Variants in PIK3AP1 observed in about 807,000 individuals in gnomAD.
The protein encoded by PIK3AP1 is phosphoinositide 3-kinase adapter protein 1.
Under a neutral mutation model 88.1 loss-of-function variants are expected in PIK3AP1, and 21 were observed. The observed-to-expected ratio is 0.24, with a 90% confidence interval of 0.17 to 0.34. The LOEUF is 0.34. Among genes scored for constraint, PIK3AP1 ranks in the 10% least tolerant of loss-of-function variants. The pLI is 1.00. For missense variants in PIK3AP1, 828 were observed against 1,035.7 expected (o/e 0.80, Z 2.75); for synonymous variants, 398 against 400.0 (o/e 1.00, Z 0.06).
At chr10:96,687,471 T>C (rs143190403) in intron 2 of PIK3AP1, among the ~76,000 whole-genome samples, 1,659 of 152,080 alleles carry the variant, frequency 0.011, 15 homozygotes, top group Non-Finnish European at 0.018. Context: ...TGATTTTGGG[T>C]TGTGTAATCA....
At position 96,648,683 on chromosome 10, in the gene PIK3AP1, C is replaced by T. The variant is rs554264220; in HGVS notation, c.1161G>A (p.Leu387=). Residue 387 remains leucine, a synonymous_variant, in exon 7 of 17, where the codon CTG becomes CTA. Coordinates refer to ENST00000339364, the MANE Select transcript of PIK3AP1 (RefSeq NM_152309.3). ...TIAEKHGFRD[L]RQFIDEYVET... The stretch of plus-strand genomic sequence containing the variant: ...CCACATACTCGTCGATGAACTGCCG[C>T]AGGTCCCTGAAGCCGTGTTTCTCAG... The T allele has an allele frequency of 2.5e-6, 4 of 1,609,018 alleles. No homozygotes were observed. Among genetic ancestry groups the T allele is most frequent in the South Asian group, 2.2e-5 (2 of 89,924 alleles).
intron 2 of PIK3AP1, among the ~76,000 whole-genome samples, chr10:96,659,246 T>C (rs1843654422): frequency 6.6e-6 from 1 of 152,228 alleles, no homozygotes; most frequent in Admixed American, 6.5e-5. Flanking sequence ...TCCCATGGAC[T>C]TGAAACATTC....
At chr10:96,604,117 A>G in intron 14 of PIK3AP1, 68 bp from the exon 15 acceptor site, 1 of 1,290,152 alleles carries the variant, frequency 7.8e-7, no homozygotes, top group Non-Finnish European at 1.1e-6. Context: ...AGAGAACTCT[A>G]GAACTTATTT....
intron 8 of PIK3AP1, among the ~76,000 whole-genome samples, chr10:96,629,537 A>AG (rs1843208646): frequency 1.3e-5 from 2 of 151,974 alleles, no homozygotes; most frequent in Admixed American, 1.3e-4. Context: ...TGCTACCCAA[A>AG]GGGGGCAAAA....
chr10:96,593,324 A>G lies in PIK3AP1; in HGVS notation c.*2253T>C, dbSNP rs1006783287. The G allele has an allele frequency of 2.0e-5, 3 of 152,218 alleles. No individual in the cohort carries two copies. Among genetic ancestry groups the G allele is most frequent in the African/African-American group, 7.2e-5 (3 of 41,456 alleles). 9.4% of individuals were successfully genotyped at this position (152,218 alleles called of 1,614,324 possible). On this transcript the variant is annotated 3_prime_UTR_variant, in exon 17 of 17. Transcript: ENST00000339364. ...CACGAGACAAGGCTTCTCATCAGCA[A>G]TTTCAATTTTATGTTTTCTACTTAT...
At chr10:96,674,501 T>C (rs1217666224) in intron 2 of PIK3AP1, among the ~76,000 whole-genome samples, 1 of 152,236 alleles carries the variant, frequency 6.6e-6, no homozygotes, top group South Asian at 2.1e-4. Flanking sequence ...ATTAGTGTTG[T>C]TTATCTGTTG....
intron 2 of PIK3AP1, among the ~76,000 whole-genome samples, chr10:96,676,682 A>T: frequency 6.8e-6 from 1 of 147,318 alleles, no homozygotes. Context: ...TGAAAGAATG[A>T]CCTTGAGTTA....
In PIK3AP1 at chr10:96,693,788, C is replaced by A. The variant is rs60307311; in HGVS notation, c.430+15779G>T. Among the ~76,000 whole-genome samples the A allele has an allele frequency of 7.4e-3, 1,126 of 152,308 alleles. 22 individuals carry two copies. The highest frequency in any genetic ancestry group is 0.049 in the East Asian group (256 of 5,192). On this transcript the variant is annotated intron_variant, in intron 2 of 16. Coordinates refer to ENST00000339364, the MANE Select transcript of PIK3AP1 (RefSeq NM_152309.3). ...CAGACACACATTTAGAATGTAAAAT[C>A]TGCAAACTGCGGGAACATATTAATA...
chr10:96,620,634 C>G (rs749683199), intron 11 of PIK3AP1, 77 bp from the exon 12 acceptor site: 1 of 1,304,736 alleles, frequency 7.7e-7, no homozygotes, highest in Admixed American at 1.9e-5. Context: ...GTTAATGAGG[C>G]TGGTCACAGG....
At chr10:96,694,149 G>A (rs1334612158) in intron 2 of PIK3AP1, among the ~76,000 whole-genome samples, 1 of 152,144 alleles carries the variant, frequency 6.6e-6, no homozygotes, top group Non-Finnish European at 1.5e-5. Context: ...TTCAAAGGGA[G>A]CATCCTTCAT....
At chr10:96,638,453 CAG>C (rs1843341485) in intron 8 of PIK3AP1, among the ~76,000 whole-genome samples, 7 of 106,650 alleles carry the variant, frequency 6.6e-5, no homozygotes, top group African/African-American at 2.7e-4. Flanking sequence ...GACACACACA[CAG>C]ACACACACAC....
chr10:96,650,947 C>A (rs534924723), intron 6 of PIK3AP1, among the ~76,000 whole-genome samples: 1 of 152,344 alleles, frequency 6.6e-6, no homozygotes, highest in South Asian at 2.1e-4. Context: ...CTCATGCTAT[C>A]CCTATGAGGA....
chr10:96,654,564 G>C (rs1247232042), intron 3 of PIK3AP1, among the ~76,000 whole-genome samples: 2 of 152,146 alleles, frequency 1.3e-5, no homozygotes, highest in Admixed American at 6.5e-5. Flanking sequence ...TTCTGCCAGG[G>C]AGCATGAGGA....
Position 96,708,632 on chromosome 10 carries a change from C to T in PIK3AP1, c.430+935G>A, listed in dbSNP as rs920898437. On this transcript the variant is annotated intron_variant, in intron 2 of 16. Transcript: ENST00000339364. ...AAGAAAGCAAAAAGAGGAAGAAAAG[C>T]TGTGATATGTGTCCATCCCAGAGCA... 2.8e-5 allele frequency among the ~76,000 whole-genome samples: 4 copies of T among 143,330 alleles called. No homozygotes were observed. In the Admixed American group the frequency reaches 2.8e-4, roughly 10 times the overall value. The allele number at this position is 143,330 out of a possible 152,430, so 94.0% of individuals were successfully genotyped here.
chr10:96,628,907 T>TATA (rs1491508693), intron 8 of PIK3AP1, among the ~76,000 whole-genome samples: 1 of 10,848 alleles, frequency 9.2e-5, no homozygotes, highest in South Asian at 3.1e-3. Context: ...TATATATATA[T>TATA]GTGTATATAT....
At chr10:96,604,685 T>C (rs1276079285) in intron 14 of PIK3AP1, among the ~76,000 whole-genome samples, 1 of 152,214 alleles carries the variant, frequency 6.6e-6, no homozygotes, top group East Asian at 1.9e-4. Context: ...AGCAAAGGTA[T>C]TCTGATTCTC....
At chr10:96,639,268 T>C (rs1843354037) in intron 8 of PIK3AP1, among the ~76,000 whole-genome samples, 1 of 152,188 alleles carries the variant, frequency 6.6e-6, no homozygotes, top group South Asian at 2.1e-4. Context: ...GAGAATTACA[T>C]CTTATTTTCT....
intron 2 of PIK3AP1, among the ~76,000 whole-genome samples, chr10:96,686,703 T>C (rs1462263963): frequency 6.6e-6 from 1 of 152,000 alleles, no homozygotes; most frequent in Non-Finnish European, 1.5e-5. Context: ...CATCCTCTGT[T>C]AAATACAGAG....
In PIK3AP1 at chr10:96,720,346, C is replaced by G; in HGVS notation, c.13+36G>C. On this transcript the variant is annotated intron_variant, in intron 1 of 16. Transcript: ENST00000339364. This position sits in a 1 kb window ranked among gnomAD's most constrained non-coding sequence, Gnocchi z 4.6. Reference sequence around the variant, plus strand: ...GGGATGCGGGGTACGAGAGAGGGGCCGGGAGCCCGGGGACCCGCGGCGCCT... The same window carrying G: ...GGGATGCGGGGTACGAGAGAGGGGCGGGGAGCCCGGGGACCCGCGGCGCCT... 8.0e-7 allele frequency: 1 copy of G among 1,242,730 alleles called. No individual in the cohort carries two copies. Among genetic ancestry groups the G allele is most frequent in the Non-Finnish European group, 1.0e-6 (1 of 987,714 alleles). 77.0% of individuals were successfully genotyped at this position (1,242,730 alleles called of 1,614,324 possible).
Sources: allele counts gnomAD v4.1 joint callset (sites outside exome capture counted in the v4.1 genomes callset), GRCh38; gene constraint gnomAD v4.1.1; non-coding constraint Gnocchi (gnomAD v3.1); transcripts MANE v1.5; gene names NCBI Gene and HGNC (gene_info 2026-07-23, HGNC 2026-07-21).